SCAF11: variants seen among roughly 807,000 people sequenced by gnomAD.
SCAF11 encodes the protein protein SCAF11.
A neutral mutation model predicts 140.5 loss-of-function variants in SCAF11; 47 were observed. That is an observed-to-expected ratio of 0.33 (90% CI 0.26 to 0.43). SCAF11 has a LOEUF of 0.43. SCAF11 is among the 20% of genes least tolerant of loss of function. The pLI is 1.00. For missense variants in SCAF11, 1,645 were observed against 1,705.1 expected (o/e 0.96, Z 0.62); for synonymous variants, 557 against 579.4 (o/e 0.96, Z 0.55).
At chr12:45,933,932 A>G (rs1482022618) in intron 8 of SCAF11, among the ~76,000 whole-genome samples, 1 of 152,172 alleles carries the variant, frequency 6.6e-6, no homozygotes, top group Non-Finnish European at 1.5e-5. Flanking sequence ...AGAACAACTT[A>G]TTAATGAAAA....
intron 3 of SCAF11, among the ~76,000 whole-genome samples, chr12:45,957,810 A>C (rs368548369): frequency 3.3e-5 from 5 of 152,212 alleles, no homozygotes; most frequent in African/African-American, 1.2e-4. Flanking sequence ...AAATGCTTTA[A>C]ACATGTGTCT....
At chr12:45,988,228 A>G (rs1946506164) in intron 1 of SCAF11, among the ~76,000 whole-genome samples, 2 of 152,210 alleles carry the variant, frequency 1.3e-5, no homozygotes, top group African/African-American at 4.8e-5. Flanking sequence ...AGGGCTTGCT[A>G]AAGGGAAGTT....
Position 45,983,966 on chromosome 12 carries a change from A to G in SCAF11, c.-22+6387T>C, listed in dbSNP as rs149756391. Among the ~76,000 whole-genome samples, 501 of 152,296 alleles carry G rather than the reference A, an allele frequency of 3.3e-3. 3 individuals carry two copies. Among genetic ancestry groups the G allele is most frequent in the African/African-American group, 0.012 (484 of 41,552 alleles). On this transcript the variant is annotated intron_variant, in intron 1 of 14. Coordinates refer to ENST00000369367, the MANE Select transcript of SCAF11 (RefSeq NM_004719.3). The stretch of plus-strand genomic sequence containing the variant: ...ACTCAAGAGGGTTTAAAGATTGAGA[A>G]CACTTTTAATTTTCACTAAAAGTGT...
intron 6 of SCAF11, among the ~76,000 whole-genome samples, chr12:45,940,869 C>T (rs1945280404): frequency 6.6e-6 from 1 of 152,178 alleles, no homozygotes; most frequent in East Asian, 1.9e-4. Flanking sequence ...GTGGCATGAT[C>T]ATGACTCACC....
At chr12:45,940,916 C>T (rs1023668370) in intron 6 of SCAF11, among the ~76,000 whole-genome samples, 15 of 152,128 alleles carry the variant, frequency 9.9e-5, no homozygotes, top group African/African-American at 3.6e-4. Flanking sequence ...GTGATCCTCC[C>T]ACCTCAGCCT....
intron 1 of SCAF11, among the ~76,000 whole-genome samples, chr12:45,988,972 GATTTC>G (rs1446913293): frequency 6.6e-6 from 1 of 152,152 alleles, no homozygotes; most frequent in Non-Finnish European, 1.5e-5. Flanking sequence ...ACAGTTTCAA[GATTTC>G]ATTTCTCTTG....
At chr12:45,944,594 C>A (rs1945376607) in intron 6 of SCAF11, among the ~76,000 whole-genome samples, 1 of 152,134 alleles carries the variant, frequency 6.6e-6, no homozygotes, top group Non-Finnish European at 1.5e-5. Context: ...ACAAACAGAT[C>A]ATAGTAAGAT....
chr12:45,961,207 A>G (rs1291436163), intron 3 of SCAF11: 1 of 660,884 alleles, frequency 1.5e-6, no homozygotes, highest in Non-Finnish European at 2.8e-6. Context: ...ACCAAGTCAT[A>G]GAACATAAAA....
Position 45,921,022 on chromosome 12 carries a change from GCC to G in SCAF11, c.*1024_*1025del, listed in dbSNP as rs1944696508. The G allele has an allele frequency of 1.3e-5, 2 of 151,178 alleles. No individual in the cohort carries two copies. The highest frequency in any genetic ancestry group is 6.6e-5 in the Admixed American group (1 of 15,158). 9.4% of individuals were successfully genotyped at this position (151,178 alleles called of 1,614,324 possible). Reference sequence around the variant, plus strand: ...TTTGAGACGGAGATTTGCTCCTGTTGCCCAGGCTGGAGTGCAATGGCATGGTC... The same window carrying G: ...TTTGAGACGGAGATTTGCTCCTGTTGCAGGCTGGAGTGCAATGGCATGGTC... On this transcript the variant is annotated 3_prime_UTR_variant, in exon 15 of 15. Transcript: ENST00000369367.
intron 6 of SCAF11, among the ~76,000 whole-genome samples, chr12:45,942,395 A>G (rs1251368183): frequency 6.6e-6 from 1 of 152,194 alleles, no homozygotes; most frequent in Non-Finnish European, 1.5e-5. Flanking sequence ...TAAATAGTCA[A>G]TTTCCACTTC....
At chr12:45,953,636 G>A (rs1945605448) in intron 3 of SCAF11, among the ~76,000 whole-genome samples, 2 of 151,848 alleles carry the variant, frequency 1.3e-5, no homozygotes, top group African/African-American at 4.8e-5. Flanking sequence ...CTATTTTAAA[G>A]GTAAATTTAG....
intron 6 of SCAF11, among the ~76,000 whole-genome samples, chr12:45,942,410 C>T (rs1041080553): frequency 6.6e-5 from 10 of 152,216 alleles, no homozygotes; most frequent in African/African-American, 2.4e-4. Flanking sequence ...CACTTCTACT[C>T]TTATTCGTCT....
At chr12:45,991,170 C>T (rs149249601), upstream of SCAF11, among the ~76,000 whole-genome samples, 2 of 152,216 alleles carry the variant, frequency 1.3e-5, no homozygotes, top group African/African-American at 2.4e-5. Context: ...CCCACCTTTC[C>T]TCCTTTCTGG....
At chr12:45,984,780 C>T (rs989494184) in intron 1 of SCAF11, among the ~76,000 whole-genome samples, 8 of 151,760 alleles carry the variant, frequency 5.3e-5, no homozygotes, top group Admixed American at 3.9e-4. Context: ...CTGCAAACTC[C>T]ACCTCCCAGG....
rs1286652825 is a variant in SCAF11, at chr12:45,951,639, A to C, written c.297+11T>G. On this transcript the variant is annotated intron_variant, in intron 4 of 14. Transcript: ENST00000369367. ...TTTATATAATTCATGTTGCAGAATA[A>C]AAAGACTTACCTTAACATAACCTTC... The C allele has an allele frequency of 6.5e-7, 1 of 1,536,402 alleles. No individual in the cohort carries two copies. The highest frequency in any genetic ancestry group is 2.3e-5 in the East Asian group (1 of 44,076).
intron 1 of SCAF11, among the ~76,000 whole-genome samples, chr12:45,970,530 G>A (rs1374863372): frequency 6.6e-6 from 1 of 152,214 alleles, no homozygotes; most frequent in African/African-American, 2.4e-5. Flanking sequence ...GAAAGTAGAA[G>A]CAGTCTCTAT....
chr12:45,938,750 A>T (rs1371111418), intron 6 of SCAF11, among the ~76,000 whole-genome samples: 1 of 151,056 alleles, frequency 6.6e-6, no homozygotes, highest in Admixed American at 6.6e-5. Flanking sequence ...TGAGCTTAGA[A>T]CCCAGTACTT....
intron 1 of SCAF11, among the ~76,000 whole-genome samples, chr12:45,979,931 G>C (rs189162032): frequency 8.2e-4 from 124 of 151,688 alleles, no homozygotes; most frequent in African/African-American, 2.9e-3. Context: ...GGCATGAATA[G>C]ATATTGGGAT....
chr12:45,953,735 G>A (rs2136585096), intron 3 of SCAF11: 1 of 309,182 alleles, frequency 3.2e-6, no homozygotes, highest in Non-Finnish European at 6.3e-6. Flanking sequence ...AATTTACTGT[G>A]CTACTTTCGT....
Sources: allele counts gnomAD v4.1 joint callset (sites outside exome capture counted in the v4.1 genomes callset), GRCh38; gene constraint gnomAD v4.1.1; transcripts MANE v1.5; gene names NCBI Gene and HGNC (gene_info 2026-07-23, HGNC 2026-07-21).